SRRT: variants seen among roughly 807,000 people sequenced by gnomAD.
SRRT encodes serrate, RNA effector molecule, also known as serrate RNA effector molecule homolog.
In SRRT, 32 loss-of-function variants were observed where a neutral mutation model predicts 103.2. The ratio of observed to expected loss-of-function variants is 0.31; its 90% CI spans 0.23 to 0.42. SRRT has a LOEUF of 0.42. Among genes scored for constraint, SRRT ranks in the 10% least tolerant of loss-of-function variants. The pLI is 1.00. For synonymous variants in SRRT, 525 were observed against 449.0 expected, an observed-to-expected ratio of 1.17 and a Z score of -2.14; for missense variants, 986 against 1,207.5, an observed-to-expected ratio of 0.82 and a Z score of 2.72.
chr7:100,877,610 C>T (rs1815874024), intron 2 of SRRT, among the ~76,000 whole-genome samples: 1 of 151,756 alleles, frequency 6.6e-6, no homozygotes. Flanking sequence ...CAACCTCCAC[C>T]TCCTGGGTTC....
intron 13 of SRRT, 128 bp from the exon 14 acceptor site, chr7:100,886,667 G>A: frequency 8.8e-7 from 1 of 1,132,094 alleles, no homozygotes; most frequent in Non-Finnish European, 1.3e-6. Context: ...CAAATCTCAA[G>A]GGGGCAAAAG....
chr7:100,875,274 C>T lies in SRRT; in HGVS notation c.-73C>T, dbSNP rs563266205. The stretch of plus-strand genomic sequence containing the variant: ...CTCGTCGCGCGCCCGCGACCCAGGT[C>T]GCCCTGAAATCTAGCCCGTCCGAGC... On this transcript the variant is annotated 5_prime_UTR_variant, in exon 1 of 20. Transcript: ENST00000611405. The T allele has an allele frequency of 4.6e-4, 325 of 706,680 alleles. 3 individuals are homozygous for T. In the African/African-American group the frequency reaches 5.9e-3, roughly 13 times the overall value. 43.8% of individuals were successfully genotyped at this position (706,680 alleles called of 1,614,324 possible). A position where few individuals can be genotyped will look rare whatever the true frequency, so the allele number is the denominator to read the frequency against.
intron 2 of SRRT, among the ~76,000 whole-genome samples, chr7:100,879,640 G>A (rs1040242717): frequency 6.6e-6 from 1 of 152,046 alleles, no homozygotes; most frequent in Non-Finnish European, 1.5e-5. Context: ...AGTAAGTATC[G>A]ATAGATGTAA....
In SRRT at chr7:100,881,421, G is replaced by A. The variant is rs1424661075; in HGVS notation, c.251+8G>A. Reference sequence around the variant, plus strand: ...GCGCATGAGGAGAGACTGGTGAGATGGAGCGGTTTCCCTCTCCTCCCCTTT... The same window carrying A: ...GCGCATGAGGAGAGACTGGTGAGATAGAGCGGTTTCCCTCTCCTCCCCTTT... On this transcript the variant is annotated splice_region_variant and intron_variant, in intron 3 of 19. Coordinates refer to ENST00000611405, the MANE Select transcript of SRRT (RefSeq NM_015908.6). 2 of 1,608,582 alleles carry A rather than the reference G, an allele frequency of 1.2e-6. No individual in the cohort carries two copies. Among genetic ancestry groups the A allele is most frequent in the African/African-American group, 2.7e-5 (2 of 74,802 alleles).
chr7:100,887,941 C>A lies in SRRT; in HGVS notation c.2326+82C>A. On this transcript the variant is annotated intron_variant, in intron 17 of 19. Transcript: ENST00000611405. The surrounding 1 kb of genome is among the most constrained non-coding windows in gnomAD (Gnocchi z 4.1). ...CCTGTTTCTCTTTAACGTGTCACCC[C>A]GAGAAGTTTCTGCCCCATCCTCAGG... The A allele has an allele frequency of 6.5e-7, 1 of 1,543,888 alleles. No homozygotes were observed. Among genetic ancestry groups the A allele is most frequent in the South Asian group, 1.2e-5 (1 of 82,326 alleles).
intron 12 of SRRT, 21 bp from the exon 13 acceptor site, chr7:100,886,226 C>T (rs1451271809): frequency 6.2e-7 from 1 of 1,603,628 alleles, no homozygotes; most frequent in Non-Finnish European, 8.5e-7. Context: ...GGGTAAGCTG[C>T]TGATGATGTC....
At chr7:100,878,877 C>CT (rs1300320291) in intron 2 of SRRT, among the ~76,000 whole-genome samples, 4 of 151,252 alleles carry the variant, frequency 2.6e-5, no homozygotes, top group African/African-American at 9.7e-5. Flanking sequence ...AACCTACTTT[C>CT]TTCCTTCCTT....
intron 2 of SRRT, among the ~76,000 whole-genome samples, chr7:100,876,947 TAG>T (rs993598407): frequency 6.6e-6 from 1 of 152,140 alleles, no homozygotes; most frequent in African/African-American, 2.4e-5. Flanking sequence ...TAGCATATTC[TAG>T]TTTGGTTAGA....
Position 100,884,252 on chromosome 7 carries a change from G to A in SRRT, c.757+13G>A. The A allele has an allele frequency of 1.2e-6, 2 of 1,614,122 alleles. No individual in the cohort carries two copies. The highest frequency in any genetic ancestry group is 1.7e-6 in the Non-Finnish European group (2 of 1,180,026). The stretch of plus-strand genomic sequence containing the variant: ...ATGCTGGATGCAGGTGTGCGGATTT[G>A]GAGGGGTGGCAGGCATCTGGGCCCC... On this transcript the variant is annotated intron_variant, in intron 6 of 19. Coordinates refer to ENST00000611405, the MANE Select transcript of SRRT (RefSeq NM_015908.6).
intron 6 of SRRT, 30 bp downstream of exon 6, chr7:100,884,269 CTG>C: frequency 6.2e-7 from 1 of 1,613,872 alleles, no homozygotes; most frequent in Non-Finnish European, 8.5e-7. Flanking sequence ...TGGCAGGCAT[CTG>C]GGCCCCATGG....
rs146834864 is a variant in SRRT, at chr7:100,887,227, C to T, written c.1975+27C>T. On this transcript the variant is annotated intron_variant, in intron 15 of 19. Transcript: ENST00000611405. This position sits in a 1 kb window ranked among gnomAD's most constrained non-coding sequence, Gnocchi z 4.1. Reference sequence around the variant, plus strand: ...TGAGCTCCAGGTTCCCCTTTGTTCCCGGCTGCCCCTGGCCTTGGTCCTCCA... The same window carrying T: ...TGAGCTCCAGGTTCCCCTTTGTTCCTGGCTGCCCCTGGCCTTGGTCCTCCA... The T allele has an allele frequency of 3.6e-4, 582 of 1,613,644 alleles. 1 individual carries two copies. In the East Asian group the frequency reaches 5.0e-3, roughly 14 times the overall value.
In SRRT at chr7:100,885,635, G is replaced by C. The variant is rs750061694; in HGVS notation, c.1318-66G>C. ...AGTCCCTAGGGTTCTGAGGGCAGTG[G>C]GGGATTGGAGGAAGAAGCGAATGAA... is the stretch of plus-strand genomic sequence containing the variant. On this transcript the variant is annotated intron_variant, in intron 10 of 19. Coordinates refer to ENST00000611405, the MANE Select transcript of SRRT (RefSeq NM_015908.6). The surrounding 1 kb of genome is among the most constrained non-coding windows in gnomAD (Gnocchi z 4.8). The C allele has an allele frequency of 1.1e-5, 16 of 1,507,168 alleles. No individual in the cohort carries two copies. The highest frequency in any genetic ancestry group is 1.4e-5 in the Non-Finnish European group (16 of 1,103,630). 93.4% of individuals were successfully genotyped at this position (1,507,168 alleles called of 1,614,324 possible).
rs1399613578 is a variant in SRRT, at chr7:100,888,308, C to T, written c.2480C>T (p.Ala827Val). 3.1e-6 allele frequency: 5 copies of T among 1,614,070 alleles called. No homozygotes were observed. The highest frequency in any genetic ancestry group is 2.2e-5 in the East Asian group (1 of 44,882). The change falls in exon 19 of 20, where the codon GCC becomes GTC. Residue 827 changes from alanine (A) to valine (V), a missense_variant. This residue lies in a region of SRRT where 178 missense variants were observed against 189.6 expected (regional missense o/e 0.94). Transcript: ENST00000611405. ...VPTGGPPYPH[A>V]PYGAGRGNYD... ...ACAGGAGGCCCTCCATACCCCCATG[C>T]CCCGTATGGTGCTGGTCGAGGGAAC...
chr7:100,880,585 G>C (rs1266187547), intron 2 of SRRT: 1 of 282,388 alleles, frequency 3.5e-6, no homozygotes. Context: ...GATTACAGGC[G>C]TGAGCCACCG....
Position 100,885,383 on chromosome 7 carries a change from C to G in SRRT, c.1317+13C>G. The stretch of plus-strand genomic sequence containing the variant: ...CGAGATCATCTCCGTGAGTGGGGAC[C>G]CGTGGAGTCAGGGCAGGGCTGATGG... On this transcript the variant is annotated intron_variant, in intron 10 of 19. Transcript: ENST00000611405. The surrounding 1 kb of genome is among the most constrained non-coding windows in gnomAD (Gnocchi z 4.8). 6.2e-7 allele frequency: 1 copy of G among 1,610,618 alleles called. No individual in the cohort carries two copies. Among genetic ancestry groups the G allele is most frequent in the South Asian group, 1.1e-5 (1 of 90,892 alleles).
intron 1 of SRRT, 74 bp from the exon 2 acceptor site, chr7:100,875,499 G>A (rs780077617): frequency 4.4e-6 from 7 of 1,581,820 alleles, no homozygotes; most frequent in East Asian, 4.6e-5. Flanking sequence ...AAGCGGGCGA[G>A]CTGCCCGCGA....
Position 100,881,654 on chromosome 7 carries a change from T to G in SRRT, c.252-5T>G. 1 of 1,614,044 alleles carries G rather than the reference T, an allele frequency of 6.2e-7. No homozygotes were observed. The highest frequency in any genetic ancestry group is 8.5e-7 in the Non-Finnish European group (1 of 1,180,012). ...CTGCTTTACTTTTGTGTCCCCCACC[T>G]TCAGGGATGAGCACAGCTCTGACCC... On this transcript the variant is annotated splice_polypyrimidine_tract_variant and splice_region_variant and intron_variant, in intron 3 of 19. Coordinates refer to ENST00000611405, the MANE Select transcript of SRRT (RefSeq NM_015908.6).
chr7:100,881,935 G>C (rs922911178), intron 4 of SRRT, 118 bp from the exon 5 acceptor site: 1 of 1,477,020 alleles, frequency 6.8e-7, no homozygotes, highest in African/African-American at 1.4e-5. Context: ...GGTGGTAGCT[G>C]TTGGGGTTTG....
chr7:100,881,331 G>A lies in SRRT; in HGVS notation c.169G>A (p.Asp57Asn), dbSNP rs1394984557. ...GCGCCGTAGTCGGGGTGAATATCGGGACTATGACCGGAATCGGCGAGAGCG... is the reference window on the plus strand; with the variant it reads ...GCGCCGTAGTCGGGGTGAATATCGGAACTATGACCGGAATCGGCGAGAGCG... ...RERRSRGEYR[D>N]YDRNRRERFS... The change falls in exon 3 of 20, where the codon GAC (aspartate) becomes AAC (asparagine). Residue 57 changes from aspartate to asparagine, a missense_variant. Asp to Asn is a conservative substitution (Grantham distance 23). Coordinates refer to ENST00000611405, the MANE Select transcript of SRRT (RefSeq NM_015908.6). 1.2e-6 allele frequency: 2 copies of A among 1,613,622 alleles called. No homozygotes were observed. Among genetic ancestry groups the A allele is most frequent in the Non-Finnish European group, 1.7e-6 (2 of 1,179,860 alleles).
Sources: allele counts gnomAD v4.1 joint callset (sites outside exome capture counted in the v4.1 genomes callset), GRCh38; gene constraint gnomAD v4.1.1; regional missense constraint gnomAD v4.1.1; non-coding constraint Gnocchi (gnomAD v3.1); transcripts MANE v1.5; gene names NCBI Gene and HGNC (gene_info 2026-07-23, HGNC 2026-07-21).